The following HK3 variants were observed in gnomAD, a reference collection of about 807,000 sequenced individuals.
The protein encoded by HK3 is hexokinase-3.
HK3 carries 93 observed loss-of-function variants against 91.0 expected under a neutral mutation model. The observed-to-expected ratio is 1.02, with a 90% confidence interval of 0.86 to 1.21. The LOEUF (loss-of-function observed/expected upper bound fraction) is 1.21, where lower values mean the gene tolerates loss of function less well. Among genes scored for constraint, HK3 ranks in the 50% most tolerant of loss-of-function variants. The pLI is 0.00. For synonymous variants in HK3, 519 were observed against 516.9 expected (o/e 1.00, Z -0.06); for missense variants, 1,235 against 1,247.4 (o/e 0.99, Z 0.15).
chr5:176,880,869 T>G lies in HK3; in HGVS notation c.*204A>C. On this transcript the variant is annotated 3_prime_UTR_variant, in exon 19 of 19. Coordinates refer to ENST00000292432, the MANE Select transcript of HK3 (RefSeq NM_002115.3). ...ACATAGGGGTTTTATCGGGCGTGAA[T>G]GTAAATAAATTATATATATATATTG... is the stretch of plus-strand genomic sequence containing the variant. The G allele has an allele frequency of 2.0e-6, 1 of 493,774 alleles. No individual in the cohort carries two copies. The highest frequency in any genetic ancestry group is 3.4e-6 in the Non-Finnish European group (1 of 290,238). The allele number at this position is 493,774 out of a possible 1,614,324, so 30.6% of individuals were successfully genotyped here.
intron 14 of HK3, 81 bp downstream of exon 14, chr5:176,883,958 T>C: frequency 6.4e-7 from 1 of 1,569,830 alleles, no homozygotes; most frequent in South Asian, 1.1e-5. Context: ...CGCAGAGGGC[T>C]CCCCCCTCAG....
At position 176,882,077 on chromosome 5, in the gene HK3, C is replaced by G. The variant is rs745716229; in HGVS notation, c.2104G>C (p.Val702Leu). 1 of 1,612,842 alleles carries G rather than the reference C, an allele frequency of 6.2e-7. No homozygotes were observed. Among genetic ancestry groups the G allele is most frequent in the South Asian group, 1.1e-5 (1 of 91,084 alleles). ...CACATGCGGCCTGAGTCCCCAGGCA[C>G]GCCCGCCACATTCCGGAGCTCCTCC... is the stretch of plus-strand genomic sequence containing the variant. ...YMEELRNVAG[V>L]PGDSGRMCIN... is the part of the protein sequence containing the mutation. The change falls in exon 16 of 19, where the codon GTG becomes CTG. Residue 702 changes from valine (V) to leucine (L), a missense_variant. Val to Leu is a conservative substitution (Grantham distance 32). Transcript: ENST00000292432.
chr5:176,880,878 A>G lies in HK3; in HGVS notation c.*195T>C. 1 of 514,976 alleles carries G rather than the reference A, an allele frequency of 1.9e-6. No homozygotes were observed. The highest frequency in any genetic ancestry group is 5.1e-4 in the Middle Eastern group (1 of 1,978). 31.9% of individuals were successfully genotyped at this position (514,976 alleles called of 1,614,324 possible). A position where few individuals can be genotyped will look rare whatever the true frequency, so the allele number is the denominator to read the frequency against. On this transcript the variant is annotated 3_prime_UTR_variant, in exon 19 of 19. Coordinates refer to ENST00000292432, the MANE Select transcript of HK3 (RefSeq NM_002115.3). ...TTTTATCGGGCGTGAATGTAAATAAATTATATATATATATTGCTAACCTGA... is the reference window on the plus strand; with the variant it reads ...TTTTATCGGGCGTGAATGTAAATAAGTTATATATATATATTGCTAACCTGA...
intron 15 of HK3, 71 bp downstream of exon 15, chr5:176,883,699 A>C (rs936080942): frequency 2.3e-5 from 28 of 1,218,514 alleles, no homozygotes; most frequent in Admixed American, 5.1e-5. Context: ...GGAAACATCC[A>C]ACCAGAGGAA....
In HK3 at chr5:176,887,190, G is replaced by T; in HGVS notation, c.1737+11C>A. ...CCCCACCTCTGACATCAAGGTTCAG[G>T]CTGTGGGTACCTGCTGCCCAGAACC... On this transcript the variant is annotated intron_variant, in intron 12 of 18. Coordinates refer to ENST00000292432, the MANE Select transcript of HK3 (RefSeq NM_002115.3). The surrounding 1 kb of genome is among the most constrained non-coding windows in gnomAD (Gnocchi z 4.9). 1 of 1,614,196 alleles carries T rather than the reference G, an allele frequency of 6.2e-7. No homozygotes were observed. Among genetic ancestry groups the T allele is most frequent in the Non-Finnish European group, 8.5e-7 (1 of 1,180,040 alleles).
chr5:176,898,627 A>G (rs1484471292), intron 1 of HK3, among the ~76,000 whole-genome samples: 1 of 152,174 alleles, frequency 6.6e-6, no homozygotes, highest in Non-Finnish European at 1.5e-5. Flanking sequence ...CCTAATATTT[A>G]TATGCTAGGT....
intron 15 of HK3, among the ~76,000 whole-genome samples, chr5:176,882,355 G>A (rs1328566694): frequency 6.6e-6 from 1 of 152,140 alleles, no homozygotes; most frequent in Non-Finnish European, 1.5e-5. Context: ...ATCACCATCA[G>A]TGCATCCACC....
At chr5:176,896,925 T>C (rs958452515) in intron 1 of HK3, among the ~76,000 whole-genome samples, 1 of 146,110 alleles carries the variant, frequency 6.8e-6, no homozygotes, top group Non-Finnish European at 1.5e-5. Context: ...TTATGAGATG[T>C]AGTGTGCAAC....
chr5:176,898,144 G>C (rs1049942760), intron 1 of HK3, among the ~76,000 whole-genome samples: 26 of 152,160 alleles, frequency 1.7e-4, no homozygotes, highest in African/African-American at 6.0e-4. Context: ...ACCATCCTCC[G>C]GCCTGATTAT....
At chr5:176,888,603 G>A (rs1214745205) in intron 9 of HK3, 38 bp from the exon 10 acceptor site, 1 of 1,603,870 alleles carries the variant, frequency 6.2e-7, no homozygotes, top group Non-Finnish European at 8.5e-7. Flanking sequence ...GCTCAGCCCA[G>A]AAGCTCCCCA....
At chr5:176,882,179 C>A (rs1472124170) in intron 15 of HK3, 52 bp from the exon 16 acceptor site, 1 of 1,585,840 alleles carries the variant, frequency 6.3e-7, no homozygotes, top group African/African-American at 1.3e-5. Flanking sequence ...AGACAAGGAC[C>A]CTCTGAGCAC....
chr5:176,896,140 GAAGACCC>G lies in HK3; in HGVS notation c.13_19del (p.Gly5GlnfsTer10). ...GGTTTCTTCCCCCTGCCGCAACCCT[GAAGACCC>G]AATGGAGTCCATGAGCTTCCACAGT... is the stretch of plus-strand genomic sequence containing the variant. On this transcript the variant is annotated frameshift_variant, in exon 2 of 19. Transcript: ENST00000292432. LOFTEE classifies it high-confidence loss of function. The G allele has an allele frequency of 6.2e-7, 1 of 1,611,514 alleles. No homozygotes were observed. The highest frequency in any genetic ancestry group is 8.5e-7 in the Non-Finnish European group (1 of 1,178,864).
At position 176,889,501 on chromosome 5, in the gene HK3, C is replaced by G. The variant is rs372314303; in HGVS notation, c.794G>C (p.Arg265Pro). 1.9e-6 allele frequency: 3 copies of G among 1,614,046 alleles called. No homozygotes were observed. Among genetic ancestry groups the G allele is most frequent in the African/African-American group, 1.3e-5 (1 of 74,936 alleles). ...CTCGACGCTGACGCAGACGCGGCCC[C>G]GGTCTTCGTCCAGCACTGCCACATG... ...ARHVAVLDEDRGRVCVSVEWG... is the reference protein window; with the variant it reads ...ARHVAVLDEDPGRVCVSVEWG... Residue 265 changes from arginine (R) to proline (P), a missense_variant, in exon 8 of 19, where the codon CGG becomes CCG. Around this residue, in one of 3 missense-constraint regions of HK3, gnomAD observed 717 missense variants for 751.6 expected, o/e 0.95. Transcript: ENST00000292432.
chr5:176,894,799 CAG>C (rs1197973244), intron 2 of HK3, among the ~76,000 whole-genome samples: 1 of 134,872 alleles, frequency 7.4e-6, no homozygotes, highest in Admixed American at 7.7e-5. Flanking sequence ...TTTTTTTTGA[CAG>C]AGTCTCGCTC....
Position 176,890,732 on chromosome 5 carries a change from T to C in HK3, c.535-2A>G. 1 of 1,614,224 alleles carries C rather than the reference T, an allele frequency of 6.2e-7. No individual in the cohort carries two copies. The highest frequency in any genetic ancestry group is 1.1e-5 in the South Asian group (1 of 91,082). On this transcript the variant is annotated splice_acceptor_variant, in intron 5 of 18. Transcript: ENST00000292432. LOFTEE classifies it high-confidence loss of function. The stretch of plus-strand genomic sequence containing the variant: ...TTTGGTCCAGGAAATGAGGGTGCTC[T>C]GGAGGTAGAGAAGCTGGGTTACTCC...
Position 176,881,837 on chromosome 5 carries a change from T to C in HK3, c.2248A>G (p.Met750Val), listed in dbSNP as rs757128809. The change falls in exon 17 of 19, where the codon ATG (methionine) becomes GTG (valine). Residue 750 changes from methionine to valine, a missense_variant. Around this residue, in one of 3 missense-constraint regions of HK3, gnomAD observed 513 missense variants for 477.4 expected, o/e 1.07. Coordinates refer to ENST00000292432, the MANE Select transcript of HK3 (RefSeq NM_002115.3). ...TCCCCCAGGTACATGCCGCTGATCA[T>C]CTTTTCAAACCTGCATGAACATGTG... ...INPGKQRFEK[M>V]ISGMYLGEIV... The C allele has an allele frequency of 2.5e-6, 4 of 1,613,454 alleles. No individual in the cohort carries two copies. In the African/African-American group the frequency reaches 5.3e-5, roughly 22 times the overall value.
At chr5:176,885,278 C>T (rs1275000367) in intron 13 of HK3, among the ~76,000 whole-genome samples, 1 of 152,192 alleles carries the variant, frequency 6.6e-6, no homozygotes, top group Non-Finnish European at 1.5e-5. Context: ...GAGGCAAGTG[C>T]CCAAAGAGCA....
rs192416700 is a variant in HK3, at chr5:176,881,189, G to A, written c.2656C>T (p.Arg886Trp). 35 of 1,613,072 alleles carry A rather than the reference G, an allele frequency of 2.2e-5. No individual in the cohort carries two copies. Among genetic ancestry groups the A allele is most frequent in the Middle Eastern group, 3.3e-4 (2 of 6,058 alleles). Reference sequence around the variant, plus strand: ...ACCACACAGCGAGGGGCCAGCTCCCGCACTGTGGCCGCCACCAGGCTGGAG... The same window carrying A: ...ACCACACAGCGAGGGGCCAGCTCCCACACTGTGGCCGCCACCAGGCTGGAG... The part of the protein sequence containing the change: ...RFSSLVAATV[R>W]ELAPRCVVTF... Residue 886 changes from arginine (R) to tryptophan (W), a missense_variant, in exon 19 of 19, where the codon CGG (arginine) becomes TGG (tryptophan). Transcript: ENST00000292432.
intron 2 of HK3, 103 bp from the exon 3 acceptor site, chr5:176,891,653 G>A (rs542794601): frequency 2.9e-5 from 33 of 1,157,006 alleles, no homozygotes; most frequent in Middle Eastern, 2.5e-4. Context: ...CCCACTCCTC[G>A]GCTCTTCATA....
Sources: gnomAD v4.1 joint callset for allele counts (sites outside exome capture counted in the v4.1 genomes callset) on GRCh38, gnomAD v4.1.1 for gene constraint, gnomAD v4.1.1 regional missense constraint, Gnocchi (gnomAD v3.1) non-coding constraint, MANE v1.5 for transcripts, NCBI Gene and HGNC (gene_info 2026-07-23, HGNC 2026-07-21) for gene names.